Variants in WWOX observed in about 807,000 individuals in gnomAD.
WWOX encodes the protein WW domain containing oxidoreductase, also known as WW domain-containing oxidoreductase.
WWOX carries 69 observed loss-of-function variants against 46.2 expected under a neutral mutation model. The ratio of observed to expected loss-of-function variants is 1.49; its 90% CI spans 1.23 to 1.82. The LOEUF (loss-of-function observed/expected upper bound fraction) is 1.82. Among genes scored for constraint, WWOX ranks in the 40% most tolerant of loss-of-function variants. The probability of loss-of-function intolerance (pLI) is 0.00; values close to 1 mark genes in which losing one functional copy is unlikely to be tolerated. For synonymous variants in WWOX, 359 were observed against 202.6 expected (o/e 1.77, Z -6.56); for missense variants, 919 against 542.6 (o/e 1.69, Z -6.89).
intron 8 of WWOX, among the ~76,000 whole-genome samples, chr16:78,588,523 T>A (rs1301368623): frequency 6.6e-6 from 1 of 152,124 alleles, no homozygotes; most frequent in Non-Finnish European, 1.5e-5. Context: ...TAGCAGGTCA[T>A]GAAGAGGAAT....
intron 6 of WWOX, among the ~76,000 whole-genome samples, chr16:78,420,411 A>G (rs2082896333): frequency 6.6e-6 from 1 of 152,170 alleles, no homozygotes; most frequent in Non-Finnish European, 1.5e-5. Flanking sequence ...TGGTATATTC[A>G]TATAATGGAA....
At chr16:78,148,156 A>G (rs747170644) in intron 4 of WWOX, among the ~76,000 whole-genome samples, 3 of 152,210 alleles carry the variant, frequency 2.0e-5, no homozygotes, top group Non-Finnish European at 4.4e-5. Flanking sequence ...TGAAGTGGCT[A>G]TAAATTAATT....
intron 5 of WWOX, among the ~76,000 whole-genome samples, chr16:78,378,117 C>T (rs1056883283): frequency 1.3e-5 from 2 of 151,824 alleles, no homozygotes; most frequent in African/African-American, 4.8e-5. Flanking sequence ...CGTCCCCCCG[C>T]CCTGCCCCCT....
At chr16:78,421,646 A>G (rs2082934639) in intron 6 of WWOX, among the ~76,000 whole-genome samples, 1 of 152,186 alleles carries the variant, frequency 6.6e-6, no homozygotes, top group African/African-American at 2.4e-5. Context: ...TGGCATATGA[A>G]AAGGATGGGA....
intron 8 of WWOX, among the ~76,000 whole-genome samples, chr16:79,069,925 T>C (rs933585331): frequency 1.3e-5 from 2 of 152,220 alleles, no homozygotes; most frequent in African/African-American, 2.4e-5. Context: ...GACCAAAAAG[T>C]TACCCAAACC....
At chr16:78,432,242 C>T (rs1330434635) in intron 7 of WWOX, among the ~76,000 whole-genome samples, 4 of 151,746 alleles carry the variant, frequency 2.6e-5, no homozygotes, top group South Asian at 4.2e-4. Flanking sequence ...TTCAGATTCC[C>T]GTGTACAGGC....
At chr16:78,501,467 T>G (rs920256273) in intron 8 of WWOX, among the ~76,000 whole-genome samples, 1 of 152,118 alleles carries the variant, frequency 6.6e-6, no homozygotes, top group Non-Finnish European at 1.5e-5. Context: ...TCCAACCTTT[T>G]TGCTGGCTCT....
chr16:78,926,082 GT>G (rs1041087714), intron 8 of WWOX, among the ~76,000 whole-genome samples: 2 of 152,188 alleles, frequency 1.3e-5, no homozygotes, highest in African/African-American at 4.8e-5. Flanking sequence ...CTTGGTAGAG[GT>G]TTACAGCCAA....
intron 5 of WWOX, among the ~76,000 whole-genome samples, chr16:78,193,201 A>G (rs1465387923): frequency 1.3e-5 from 2 of 152,250 alleles, no homozygotes; most frequent in African/African-American, 2.4e-5. Flanking sequence ...AACAGCCAAG[A>G]CCAATGTATT....
At chr16:78,632,777 C>A (rs987214408) in intron 8 of WWOX, among the ~76,000 whole-genome samples, 1 of 151,674 alleles carries the variant, frequency 6.6e-6, no homozygotes, top group East Asian at 2.0e-4. Flanking sequence ...AGACTGGTCT[C>A]GAACTCCTGA....
At chr16:79,203,489 C>A (rs1489820386) in intron 8 of WWOX, 6 of 146,336 alleles carry the variant, frequency 4.1e-5, no homozygotes, top group Non-Finnish European at 7.4e-5. Context: ...CCAGCGGAGA[C>A]CTTGTGTTTT....
chr16:79,113,275 C>T (rs1469970232), intron 8 of WWOX, among the ~76,000 whole-genome samples: 10 of 152,136 alleles, frequency 6.6e-5, no homozygotes, highest in Admixed American at 5.2e-4. Flanking sequence ...GCAGGTACTG[C>T]TGTGGATGAC....
At chr16:78,629,491 C>G (rs2046379724) in intron 8 of WWOX, among the ~76,000 whole-genome samples, 1 of 152,174 alleles carries the variant, frequency 6.6e-6, no homozygotes. Flanking sequence ...TTGCCACCAC[C>G]CTACTTGCCA....
At chr16:78,381,778 G>A (rs907770502) in intron 5 of WWOX, among the ~76,000 whole-genome samples, 2 of 152,112 alleles carry the variant, frequency 1.3e-5, no homozygotes, top group Non-Finnish European at 2.9e-5. Context: ...TGGATAGGTA[G>A]GTGGGAAGAT....
intron 6 of WWOX, among the ~76,000 whole-genome samples, chr16:78,392,352 T>A (rs760226184): frequency 2.0e-5 from 3 of 152,142 alleles, no homozygotes; most frequent in Non-Finnish European, 4.4e-5. Flanking sequence ...CTGCCTCCCA[T>A]CACCTTCAAG....
At chr16:78,579,915 A>T (rs2151586940) in intron 8 of WWOX, among the ~76,000 whole-genome samples, 1 of 152,300 alleles carries the variant, frequency 6.6e-6, no homozygotes, top group South Asian at 2.1e-4. Context: ...ACTCCGAGCC[A>T]TCGACTTCTG....
chr16:78,996,391 C>A, intron 8 of WWOX: 1 of 863,818 alleles, frequency 1.2e-6, no homozygotes, highest in South Asian at 5.6e-5. Context: ...CGCCCCCCAG[C>A]TTCCCCACCT....
chr16:78,245,066 A>T (rs1028421741), intron 5 of WWOX, among the ~76,000 whole-genome samples: 1 of 152,202 alleles, frequency 6.6e-6, no homozygotes, highest in Non-Finnish European at 1.5e-5. Flanking sequence ...TTTGCTTGTT[A>T]TCTCTAAATT....
At chr16:79,172,922 G>T (rs1038593638) in intron 8 of WWOX, among the ~76,000 whole-genome samples, 1 of 152,044 alleles carries the variant, frequency 6.6e-6, no homozygotes, top group African/African-American at 2.4e-5. Flanking sequence ...TCAGGGGGCT[G>T]AGGCAGGAAG....
Sources: allele counts gnomAD v4.1 joint callset (sites outside exome capture counted in the v4.1 genomes callset), GRCh38; gene constraint gnomAD v4.1.1; transcripts MANE v1.5; gene names NCBI Gene and HGNC (gene_info 2026-07-23, HGNC 2026-07-21).